Variants in EPM2A observed in about 807,000 individuals in gnomAD.
EPM2A encodes the protein laforin.
A neutral mutation model predicts 26.5 loss-of-function variants in EPM2A; 21 were observed. That is an observed-to-expected ratio of 0.79 (90% CI 0.56 to 1.14). The LOEUF is 1.14. Among genes scored for constraint, EPM2A ranks in the 50% most tolerant of loss-of-function variants. The pLI is 0.00. For missense variants in EPM2A, 458 were observed against 440.8 expected (o/e 1.04, Z -0.35); for synonymous variants, 217 against 177.6 (o/e 1.22, Z -1.76).
At chr6:145,729,061 T>C (rs773668899) in intron 1 of EPM2A, among the ~76,000 whole-genome samples, 8 of 152,200 alleles carry the variant, frequency 5.3e-5, no homozygotes, top group Non-Finnish European at 1.0e-4. Context: ...CTTGGAAGTT[T>C]CCATGTGATG....
At chr6:145,423,381 C>T (rs1432295891) in intron 4 of EPM2A, among the ~76,000 whole-genome samples, 2 of 152,138 alleles carry the variant, frequency 1.3e-5, no homozygotes, top group Admixed American at 6.6e-5. Context: ...AGGGAAAGGG[C>T]TTTCCACCCA....
intron 2 of EPM2A, among the ~76,000 whole-genome samples, chr6:145,551,445 T>C (rs1436274836): frequency 6.6e-6 from 1 of 151,966 alleles, no homozygotes; most frequent in Admixed American, 6.6e-5. Context: ...AAAAGGTTCC[T>C]TTAAAAAGCA....
At chr6:145,726,117 T>C (rs181071812) in intron 1 of EPM2A, among the ~76,000 whole-genome samples, 5 of 152,114 alleles carry the variant, frequency 3.3e-5, no homozygotes, top group Admixed American at 2.0e-4. Context: ...GAGCACCTTG[T>C]AGTGCCAGAA....
intron 4 of EPM2A, among the ~76,000 whole-genome samples, chr6:145,454,404 A>G (rs1562340954): frequency 6.6e-6 from 1 of 152,148 alleles, no homozygotes; most frequent in Non-Finnish European, 1.5e-5. Flanking sequence ...ATGACTACCC[A>G]TCTCTAGTTA....
chr6:145,500,531 C>A (rs1233220452), downstream of EPM2A, among the ~76,000 whole-genome samples: 3 of 152,172 alleles, frequency 2.0e-5, no homozygotes, highest in Admixed American at 6.5e-5. Context: ...CAATCCCCCT[C>A]CTGATCTATC....
chr6:145,468,537 T>C (rs980809379), intron 4 of EPM2A, among the ~76,000 whole-genome samples: 5 of 152,072 alleles, frequency 3.3e-5, no homozygotes, highest in African/African-American at 7.2e-5. Context: ...ATAACCACCA[T>C]GTAACCACAT....
chr6:145,561,507 C>G (rs1222763886), intron 2 of EPM2A, among the ~76,000 whole-genome samples: 1 of 152,062 alleles, frequency 6.6e-6, no homozygotes, highest in Non-Finnish European at 1.5e-5. Flanking sequence ...ACATACAGCA[C>G]TGGAACAAAA....
intron 2 of EPM2A, among the ~76,000 whole-genome samples, chr6:145,600,360 C>A (rs1384991862): frequency 6.6e-6 from 1 of 152,192 alleles, no homozygotes; most frequent in Non-Finnish European, 1.5e-5. Flanking sequence ...GGATTCCCTA[C>A]ATACAATGAT....
chr6:145,493,924 A>G (rs1779786790), intron 4 of EPM2A, among the ~76,000 whole-genome samples: 1 of 152,236 alleles, frequency 6.6e-6, no homozygotes. Context: ...ATGTTCATCA[A>G]GAATATTGTC....
chr6:145,577,673 G>C (rs1050454720), intron 2 of EPM2A, among the ~76,000 whole-genome samples: 5 of 151,716 alleles, frequency 3.3e-5, no homozygotes, highest in Non-Finnish European at 5.9e-5. Flanking sequence ...GAAACCTCAG[G>C]CTTCATCTGT....
intron 2 of EPM2A, chr6:145,502,704 A>G (rs1779909214): frequency 2.7e-6 from 1 of 372,254 alleles, no homozygotes; most frequent in Admixed American, 3.1e-5. Context: ...ATCATGTAAT[A>G]TACATAGTAT....
intron 1 of EPM2A, among the ~76,000 whole-genome samples, chr6:145,716,837 G>T (rs1775655734): frequency 6.6e-6 from 1 of 152,114 alleles, no homozygotes; most frequent in Non-Finnish European, 1.5e-5. Flanking sequence ...TAGAGCCTGA[G>T]CACCCATTTC....
At chr6:145,549,162 C>A (rs2114802108) in intron 2 of EPM2A, among the ~76,000 whole-genome samples, 1 of 152,100 alleles carries the variant, frequency 6.6e-6, no homozygotes. Context: ...GCCAAAGCCC[C>A]AAAAAGTGAT....
chr6:145,484,773 A>G (rs1779652661), intron 4 of EPM2A, among the ~76,000 whole-genome samples: 1 of 151,842 alleles, frequency 6.6e-6, no homozygotes, highest in Non-Finnish European at 1.5e-5. Context: ...ACTTTAAAGA[A>G]GATCTATTCA....
chr6:145,543,028 GGATTACA>G (rs5880648), intron 2 of EPM2A, among the ~76,000 whole-genome samples: 67,479 of 151,624 alleles, frequency 0.45, 15,014 homozygotes, highest in South Asian at 0.58. Flanking sequence ...CAAAGTGCTG[GGATTACA>G]GATTACAGGT....
At chr6:145,450,357 A>G (rs1182596576) in intron 4 of EPM2A, among the ~76,000 whole-genome samples, 1 of 147,848 alleles carries the variant, frequency 6.8e-6, no homozygotes, top group African/African-American at 2.6e-5. Context: ...TCTCAAAAAA[A>G]AAAAAAAAAA....
At chr6:145,592,165 C>G (rs1228428754) in intron 2 of EPM2A, among the ~76,000 whole-genome samples, 2 of 110,374 alleles carry the variant, frequency 1.8e-5, no homozygotes, top group African/African-American at 7.1e-5. Context: ...CCCCCCTCCC[C>G]CCACCCCATG....
intron 1 of EPM2A, among the ~76,000 whole-genome samples, chr6:145,712,156 ATAG>A (rs1775367062): frequency 6.6e-6 from 1 of 152,152 alleles, no homozygotes; most frequent in African/African-American, 2.4e-5. Context: ...GCATTTTATG[ATAG>A]ATAATTCATT....
intron 4 of EPM2A, among the ~76,000 whole-genome samples, chr6:145,405,250 TA>T (rs1436251666): frequency 1.3e-5 from 2 of 152,188 alleles, no homozygotes; most frequent in African/African-American, 2.4e-5. Context: ...ATGCAATTTT[TA>T]TATACAAGTT....
Sources: allele counts gnomAD v4.1 joint callset (sites outside exome capture counted in the v4.1 genomes callset), GRCh38; gene constraint gnomAD v4.1.1; transcripts MANE v1.5; gene names NCBI Gene and HGNC (gene_info 2026-07-23, HGNC 2026-07-21).